BCL10: variants seen among roughly 807,000 people sequenced by gnomAD.
BCL10 encodes BCL10 immune signaling adaptor.
BCL10 carries 5 observed loss-of-function variants against 19.2 expected under a neutral mutation model. The ratio of observed to expected loss-of-function variants is 0.26; its 90% confidence interval spans 0.14 to 0.55. The LOEUF is 0.55. BCL10 is among the 20% of genes least tolerant of loss of function. The pLI, the probability that BCL10 is intolerant of heterozygous loss-of-function variation, is 0.94. For missense variants in BCL10, 201 were observed against 271.9 expected, an observed-to-expected ratio of 0.74 and a Z score of 1.83; for synonymous variants, 110 against 98.8, an observed-to-expected ratio of 1.11 and a Z score of -0.67.
intron 2 of BCL10, 84 bp from the exon 3 acceptor site, chr1:85,268,066 C>T: frequency 1.2e-6 from 1 of 859,280 alleles, no homozygotes. Context: ...TTAAAGATTA[C>T]AAGCTAGTTA....
Position 85,276,592 on chromosome 1 carries a change from A to G in BCL10, c.-240T>C. On this transcript the variant is annotated 5_prime_UTR_variant, in exon 1 of 3. Transcript: ENST00000648566. ...CTACGCGACGCGACGCGGAGCTCGG[A>G]GCAGCGTTCCTTCCCTCTCGTAGAG... The G allele has an allele frequency of 1.7e-6, 1 of 590,498 alleles. No individual in the cohort carries two copies. Among genetic ancestry groups the G allele is most frequent in the Non-Finnish European group, 3.0e-6 (1 of 331,700 alleles). 36.6% of individuals were successfully genotyped at this position (590,498 alleles called of 1,614,324 possible). A position where few individuals can be genotyped will look rare whatever the true frequency, so the allele number is the denominator to read the frequency against.
chr1:85,268,403 A>G (rs1458829404), intron 2 of BCL10, among the ~76,000 whole-genome samples: 6 of 152,256 alleles, frequency 3.9e-5, no homozygotes, highest in Non-Finnish European at 8.8e-5. Context: ...ACAATGGCTA[A>G]TTCTTGAATA....
intron 1 of BCL10, among the ~76,000 whole-genome samples, chr1:85,275,597 CAAGT>C (rs1440011866): frequency 3.9e-5 from 6 of 152,142 alleles, no homozygotes; most frequent in Non-Finnish European, 8.8e-5. Context: ...TCTGACAAAA[CAAGT>C]AAACGCAAAG....
chr1:85,270,028 T>C (rs1417296860), intron 2 of BCL10, among the ~76,000 whole-genome samples: 2 of 152,262 alleles, frequency 1.3e-5, no homozygotes, highest in Non-Finnish European at 2.9e-5. Flanking sequence ...ATGTGTGATG[T>C]ACAGTATTTT....
intron 2 of BCL10, 96 bp from the exon 3 acceptor site, chr1:85,268,078 C>T: frequency 2.6e-6 from 2 of 758,926 alleles, no homozygotes; most frequent in East Asian, 5.3e-5. Flanking sequence ...AGCTAGTTAC[C>T]CCACAATCAA....
chr1:85,267,541 A>T lies in BCL10; in HGVS notation c.*86T>A. ...ATTTTAAAAGACATGCATCAAATGTAAACAAATGATTACAGCCATTTTATA... is the reference window on the plus strand; with the variant it reads ...ATTTTAAAAGACATGCATCAAATGTTAACAAATGATTACAGCCATTTTATA... On this transcript the variant is annotated 3_prime_UTR_variant, in exon 3 of 3. Transcript: ENST00000648566. The T allele has an allele frequency of 8.8e-7, 1 of 1,142,078 alleles. No individual in the cohort carries two copies. Among genetic ancestry groups the T allele is most frequent in the African/African-American group, 1.6e-5 (1 of 64,026 alleles). 70.7% of individuals were successfully genotyped at this position (1,142,078 alleles called of 1,614,324 possible). A position where few individuals can be genotyped will look rare whatever the true frequency, so the allele number is the denominator to read the frequency against.
intron 1 of BCL10, among the ~76,000 whole-genome samples, chr1:85,275,061 G>A (rs942127104): frequency 3.3e-5 from 5 of 152,176 alleles, no homozygotes; most frequent in African/African-American, 9.7e-5. Context: ...TTCTTTAGAG[G>A]TTGTTGCGAA....
intron 1 of BCL10, among the ~76,000 whole-genome samples, chr1:85,274,278 T>A (rs1165653416): frequency 3.3e-5 from 5 of 152,226 alleles, no homozygotes; most frequent in Non-Finnish European, 5.9e-5. Context: ...ATCCTGCACT[T>A]ACTAGGGCAC....
intron 1 of BCL10, among the ~76,000 whole-genome samples, chr1:85,274,956 C>A (rs1263346042): frequency 6.6e-6 from 1 of 152,232 alleles, no homozygotes; most frequent in Non-Finnish European, 1.5e-5. Context: ...GGAAGCCACT[C>A]TTCACATCTG....
At position 85,276,328 on chromosome 1, in the gene BCL10, T is replaced by A; in HGVS notation, c.25A>T (p.Thr9Ser). 6.2e-7 allele frequency: 1 copy of A among 1,612,028 alleles called. No homozygotes were observed. The highest frequency in any genetic ancestry group is 8.5e-7 in the Non-Finnish European group (1 of 1,178,974). The change falls in exon 1 of 3, where the codon ACC becomes TCC. Residue 9 changes from threonine to serine, a missense_variant. Thr to Ser is a moderately conservative substitution (Grantham distance 58). Transcript: ENST00000648566. ...TTCACTTCAGTGAGGTCCTCCTCGG[T>A]GAGGGACGGTGCGGTGGGCTCCATG... MEPTAPSL[T>S]EEDLTEVKKD...
chr1:85,274,294 A>T (rs1322128248), intron 1 of BCL10, among the ~76,000 whole-genome samples: 2 of 152,228 alleles, frequency 1.3e-5, no homozygotes, highest in Non-Finnish European at 2.9e-5. Flanking sequence ...GGCACCAAGT[A>T]GTTAATGTTT....
intron 1 of BCL10, among the ~76,000 whole-genome samples, chr1:85,273,092 A>G (rs1660409878): frequency 6.6e-6 from 1 of 152,164 alleles, no homozygotes; most frequent in Non-Finnish European, 1.5e-5. Context: ...AGGTTTACCT[A>G]ACTCCCCAGA....
Position 85,267,431 on chromosome 1 carries a change from T to C in BCL10, c.*196A>G, listed in dbSNP as rs1660229590. On this transcript the variant is annotated 3_prime_UTR_variant, in exon 3 of 3. Coordinates refer to ENST00000648566, the MANE Select transcript of BCL10 (RefSeq NM_003921.5). ...AAAAAAGAAATTACTAAAAAGTACA[T>C]GATCAACATGATTTACAGTTAGCTA... The C allele has an allele frequency of 2.1e-6, 1 of 486,796 alleles. No homozygotes were observed. The highest frequency in any genetic ancestry group is 4.2e-5 in the South Asian group (1 of 23,586). 30.2% of individuals were successfully genotyped at this position (486,796 alleles called of 1,614,324 possible).
At position 85,276,512 on chromosome 1, in the gene BCL10, G is replaced by T. The variant is rs1660538635; in HGVS notation, c.-160C>A. ...GCCCCTTCGGGAACAGAGGGACTCG[G>T]GGGTCAAACCGTAGCGCTTCCGGCC... is the stretch of plus-strand genomic sequence containing the variant. On this transcript the variant is annotated 5_prime_UTR_variant, in exon 1 of 3. Coordinates refer to ENST00000648566, the MANE Select transcript of BCL10 (RefSeq NM_003921.5). 4 of 751,766 alleles carry T rather than the reference G, an allele frequency of 5.3e-6. No homozygotes were observed. The South Asian group carries it at 6.9e-5, about 13-fold the overall frequency. The allele number at this position is 751,766 out of a possible 1,614,324, so 46.6% of individuals were successfully genotyped here. A position where few individuals can be genotyped will look rare whatever the true frequency, so the allele number is the denominator to read the frequency against.
At position 85,276,320 on chromosome 1, in the gene BCL10, C is replaced by T. The variant is rs755937538; in HGVS notation, c.33G>A (p.Glu11=). The T allele has an allele frequency of 1.3e-5, 21 of 1,613,548 alleles. No homozygotes were observed. The highest frequency in any genetic ancestry group is 4.4e-5 in the South Asian group (4 of 91,044). The change falls in exon 1 of 3, where the codon GAG becomes GAA. Residue 11 remains glutamate, a synonymous_variant. Transcript: ENST00000648566. The part of the protein sequence containing the change: MEPTAPSLTE[E]DLTEVKKDAL... Reference sequence around the variant, plus strand: ...CGTCCTTCTTCACTTCAGTGAGGTCCTCCTCGGTGAGGGACGGTGCGGTGG... The same window carrying T: ...CGTCCTTCTTCACTTCAGTGAGGTCTTCCTCGGTGAGGGACGGTGCGGTGG...
rs111755520 is a variant in BCL10, at chr1:85,270,959, C to T, written c.58-53G>A. 405 of 1,532,306 alleles carry T rather than the reference C, an allele frequency of 2.6e-4. 3 individuals carry two copies. In the African/African-American group the frequency reaches 4.8e-3, roughly 18 times the overall value. The allele number at this position is 1,532,306 out of a possible 1,614,324, so 94.9% of individuals were successfully genotyped here. A position where few individuals can be genotyped will look rare whatever the true frequency, so the allele number is the denominator to read the frequency against. On this transcript the variant is annotated intron_variant, in intron 1 of 2. Transcript: ENST00000648566. Reference sequence around the variant, plus strand: ...TTATTTTTAACATCTAAGAAAATCACATACGTGACTATTAGTTGGCAGTCT... The same window carrying T: ...TTATTTTTAACATCTAAGAAAATCATATACGTGACTATTAGTTGGCAGTCT...
intron 1 of BCL10, among the ~76,000 whole-genome samples, chr1:85,272,403 AT>A (rs952747276): frequency 0.027 from 3,630 of 133,440 alleles, 73 homozygotes; most frequent in East Asian, 0.12. Context: ...CTAATTTTTA[AT>A]TTTTTTTTTT....
chr1:85,266,876 C>CAAAAAAAAAA lies in BCL10; in HGVS notation c.*741_*750dup, dbSNP rs71650007. ...CCTGGGCGATAGAGCAAGACTGTCT[C>CAAAAAAAAAA]AAAAAAAAAAAAAAAAAAAAAAGAA... On this transcript the variant is annotated 3_prime_UTR_variant, in exon 3 of 3. Transcript: ENST00000648566. 3.0e-4 allele frequency: 27 copies of CAAAAAAAAAA among 88,530 alleles called. No homozygotes were observed. The highest frequency in any genetic ancestry group is 4.9e-4 in the African/African-American group (10 of 20,476). 5.5% of individuals were successfully genotyped at this position (88,530 alleles called of 1,614,324 possible).
At chr1:85,269,333 C>T (rs1342458637) in intron 2 of BCL10, among the ~76,000 whole-genome samples, 1 of 152,220 alleles carries the variant, frequency 6.6e-6, no homozygotes, top group East Asian at 1.9e-4. Flanking sequence ...GTATAGTTAA[C>T]CATTATCCAG....
Sources: gnomAD v4.1 joint callset for allele counts (sites outside exome capture counted in the v4.1 genomes callset) on GRCh38, gnomAD v4.1.1 for gene constraint, MANE v1.5 for transcripts, NCBI Gene and HGNC (gene_info 2026-07-23, HGNC 2026-07-21) for gene names.